The following ALK variants were observed in gnomAD, a reference collection of about 807,000 sequenced individuals.
The protein encoded by ALK is ALK tyrosine kinase receptor.
A neutral mutation model predicts 163.1 loss-of-function variants in ALK; 74 were observed. The ratio of observed to expected loss-of-function variants is 0.45; its 90% CI spans 0.38 to 0.55. The LOEUF is 0.55. Ranked by LOEUF, ALK falls within the 20% of genes least tolerant of loss-of-function variation. The probability of loss-of-function intolerance (pLI) is 0.00; values close to 1 mark genes in which losing one functional copy is unlikely to be tolerated. For missense variants in ALK, 2,063 were observed against 2,105.3 expected, an observed-to-expected ratio of 0.98 and a Z score of 0.39; for synonymous variants, 960 against 843.2, an observed-to-expected ratio of 1.14 and a Z score of -2.40.
At chr2:29,577,710 G>T (rs754285340) in intron 3 of ALK, among the ~76,000 whole-genome samples, 9 of 152,188 alleles carry the variant, frequency 5.9e-5, no homozygotes, top group African/African-American at 9.7e-5. Context: ...CCACATCTTT[G>T]TCTCCCAGAT....
chr2:29,869,924 T>C (rs1666534298), intron 1 of ALK, among the ~76,000 whole-genome samples: 1 of 151,930 alleles, frequency 6.6e-6, no homozygotes, highest in Admixed American at 6.6e-5. Flanking sequence ...AATGAGAAAA[T>C]ACAAATGGTA....
intron 1 of ALK, among the ~76,000 whole-genome samples, chr2:29,883,703 A>T (rs569017637): frequency 6.6e-6 from 1 of 152,348 alleles, no homozygotes; most frequent in South Asian, 2.1e-4. Context: ...GAATTTTCTC[A>T]TATGCCAATT....
intron 4 of ALK, among the ~76,000 whole-genome samples, chr2:29,417,133 G>T (rs939144138): frequency 6.6e-6 from 1 of 151,808 alleles, no homozygotes; most frequent in Non-Finnish European, 1.5e-5. Flanking sequence ...GACTACAGGT[G>T]CCTGCCACCA....
intron 5 of ALK, among the ~76,000 whole-genome samples, chr2:29,361,144 A>G (rs1380638451): frequency 2.0e-5 from 3 of 152,220 alleles, no homozygotes; most frequent in African/African-American, 7.2e-5. Context: ...TCTCAAATCA[A>G]TACCCCTGAC....
At chr2:29,523,348 C>CGTTATGAGG (rs1672865774) in intron 4 of ALK, among the ~76,000 whole-genome samples, 1 of 152,158 alleles carries the variant, frequency 6.6e-6, no homozygotes, top group African/African-American at 2.4e-5. Flanking sequence ...CCCATTACAC[C>CGTTATGAGG]CCTTTCCTTA....
chr2:29,383,790 G>A lies in ALK; in HGVS notation c.1224C>T (p.Ser408=), dbSNP rs762116571. ...NPFRVALEYI[S]SGNRSLSAVD... The stretch of plus-strand genomic sequence containing the variant: ...CTGCAGACAAGCTGCGGTTTCCACT[G>A]GAGATGTATTCCAGGGCCACTCGAA... The change falls in exon 5 of 29, where the codon TCC becomes TCT. Residue 408 remains serine (S), a synonymous_variant. Transcript: ENST00000389048. 1 of 1,614,178 alleles carries A rather than the reference G, an allele frequency of 6.2e-7. No individual in the cohort carries two copies. Among genetic ancestry groups the A allele is most frequent in the Non-Finnish European group, 8.5e-7 (1 of 1,179,996 alleles).
chr2:29,895,696 G>C (rs6731938), intron 1 of ALK, among the ~76,000 whole-genome samples: 1 of 152,070 alleles, frequency 6.6e-6, no homozygotes, highest in Non-Finnish European at 1.5e-5. Flanking sequence ...CAGTGGCTTA[G>C]TTCAGGAGAT....
At position 29,421,209 on chromosome 2, in the gene ALK, CA is replaced by C. The variant is rs559384015; in HGVS notation, c.1155-37351del. ...ACAAGGCCAACATAGCAGTGAGTGGCAAATCTGTCCAGATTGAGTGCAGGCA... is the reference window on the plus strand; with the variant it reads ...ACAAGGCCAACATAGCAGTGAGTGGCAATCTGTCCAGATTGAGTGCAGGCA... On this transcript the variant is annotated intron_variant, in intron 4 of 28. Transcript: ENST00000389048. 4.1e-3 allele frequency among the ~76,000 whole-genome samples: 624 copies of C among 151,638 alleles called. 23 individuals carry two copies. Among genetic ancestry groups the C allele is most frequent in the African/African-American group, 0.014 (589 of 40,934 alleles).
intron 1 of ALK, among the ~76,000 whole-genome samples, chr2:29,745,048 G>C (rs1001720097): frequency 2.0e-5 from 3 of 152,182 alleles, no homozygotes; most frequent in African/African-American, 7.2e-5. Flanking sequence ...ACATGGGTTA[G>C]AAAGTGAGGA....
intron 5 of ALK, among the ~76,000 whole-genome samples, chr2:29,357,837 G>A (rs1668288886): frequency 6.6e-6 from 1 of 152,198 alleles, no homozygotes; most frequent in Admixed American, 6.5e-5. Flanking sequence ...CTTGCATATG[G>A]TAGATGAGGT....
intron 11 of ALK, among the ~76,000 whole-genome samples, chr2:29,256,147 A>G (rs1664944014): frequency 2.0e-5 from 3 of 152,272 alleles, no homozygotes; most frequent in Non-Finnish European, 2.9e-5. Context: ...CAGAGAGGCA[A>G]GAGAGTTAGC....
At chr2:29,238,408 G>T (rs1255693049) in intron 13 of ALK, among the ~76,000 whole-genome samples, 2 of 152,048 alleles carry the variant, frequency 1.3e-5, no homozygotes, top group African/African-American at 4.8e-5. Flanking sequence ...TGTTGGCCAG[G>T]CTGGTCTCGA....
chr2:29,905,376 C>T (rs1218328176), intron 1 of ALK, among the ~76,000 whole-genome samples: 1 of 152,192 alleles, frequency 6.6e-6, no homozygotes, highest in African/African-American at 2.4e-5. Flanking sequence ...GTTATCCAGG[C>T]TGTCATTTTA....
rs144017230 is a variant in ALK at position 29,821,652 on chromosome 2, G to T, written c.667+98341C>A. 7.6e-4 allele frequency among the ~76,000 whole-genome samples: 115 copies of T among 152,194 alleles called. 1 individual carries two copies. Among genetic ancestry groups the T allele is most frequent in the African/African-American group, 2.6e-3 (110 of 41,530 alleles). On this transcript the variant is annotated intron_variant, in intron 1 of 28. Coordinates refer to ENST00000389048, the MANE Select transcript of ALK (RefSeq NM_004304.5). Reference sequence around the variant, plus strand: ...CATCTGTAGGGGTTCTGGGGCACTCGATTGCTCCAGATCACTCTGCTCCTG... The same window carrying T: ...CATCTGTAGGGGTTCTGGGGCACTCTATTGCTCCAGATCACTCTGCTCCTG...
At chr2:29,566,367 T>G (rs546410020) in intron 3 of ALK, among the ~76,000 whole-genome samples, 6 of 152,306 alleles carry the variant, frequency 3.9e-5, no homozygotes, top group African/African-American at 1.4e-4. Context: ...GCAACATCAA[T>G]TTGCTGCACC....
At chr2:29,735,771 T>A (rs908464687) in intron 1 of ALK, among the ~76,000 whole-genome samples, 9 of 152,058 alleles carry the variant, frequency 5.9e-5, no homozygotes, top group African/African-American at 2.2e-4. Flanking sequence ...CATTTCTTTC[T>A]CCAGCTGCCA....
chr2:29,332,217 C>T lies in ALK; in HGVS notation c.1283-3736G>A, dbSNP rs146729358. ...AGGAGAACCGCTTGAACCAGGGAGG[C>T]GGAGGTTGCAGTGAGCCAAGACCGC... On this transcript the variant is annotated intron_variant, in intron 5 of 28. Transcript: ENST00000389048. Among the ~76,000 whole-genome samples the T allele has an allele frequency of 9.2e-3, 1,177 of 128,302 alleles. 43 individuals carry two copies. Among genetic ancestry groups the T allele is most frequent in the Admixed American group, 0.089 (956 of 10,754 alleles). The allele number at this position is 128,302 out of a possible 152,430, so 84.2% of individuals were successfully genotyped here. A position where few individuals can be genotyped will look rare whatever the true frequency, so the allele number is the denominator to read the frequency against.
intron 11 of ALK, among the ~76,000 whole-genome samples, chr2:29,264,691 C>T (rs1412886467): frequency 6.6e-6 from 1 of 152,196 alleles, no homozygotes; most frequent in African/African-American, 2.4e-5. Flanking sequence ...CATCTCCAAA[C>T]CCACCTGAGT....
At chr2:29,567,029 A>C (rs1369480218) in intron 3 of ALK, among the ~76,000 whole-genome samples, 1 of 152,214 alleles carries the variant, frequency 6.6e-6, no homozygotes, top group Non-Finnish European at 1.5e-5. Flanking sequence ...TCTACAATGA[A>C]TATGTTAGTT....
Sources: gnomAD v4.1 joint callset for allele counts (sites outside exome capture counted in the v4.1 genomes callset) on GRCh38, gnomAD v4.1.1 for gene constraint, MANE v1.5 for transcripts, NCBI Gene and HGNC (gene_info 2026-07-23, HGNC 2026-07-21) for gene names.